LDB2: variants seen among roughly 807,000 people sequenced by gnomAD.
LDB2 encodes LIM domain-binding protein 2.
A neutral mutation model predicts 44.3 loss-of-function variants in LDB2; 12 were observed. The ratio of observed to expected loss-of-function variants is 0.27; its 90% CI spans 0.17 to 0.44. The LOEUF is 0.44. Among genes scored for constraint, LDB2 ranks in the 20% least tolerant of loss-of-function variants. The pLI, the probability that LDB2 is intolerant of heterozygous loss-of-function variation, is 1.00. For missense variants in LDB2, 344 were observed against 473.5 expected, an observed-to-expected ratio of 0.73 and a Z score of 2.54; for synonymous variants, 164 against 174.8, an observed-to-expected ratio of 0.94 and a Z score of 0.49.
intron 1 of LDB2, among the ~76,000 whole-genome samples, chr4:16,881,720 T>C (rs145967487): frequency 2.0e-5 from 3 of 151,252 alleles, no homozygotes; most frequent in African/African-American, 7.3e-5. Context: ...CAATTTCTCA[T>C]GGCCAGAAAA....
chr4:16,635,913 G>A (rs1733468898), intron 2 of LDB2, among the ~76,000 whole-genome samples: 1 of 152,148 alleles, frequency 6.6e-6, no homozygotes, highest in African/African-American at 2.4e-5. Context: ...CGCTGGATTT[G>A]TTGTTTCTGT....
chr4:16,852,037 G>A lies in LDB2; in HGVS notation c.132+46317C>T, dbSNP rs144098310. On this transcript the variant is annotated intron_variant, in intron 1 of 7. Transcript: ENST00000304523. ...AGCTTGATTTCTGAAATCACAGGCA[G>A]TTGGGAGAAATCCTGATCCTCTCAT... Among the ~76,000 whole-genome samples the A allele has an allele frequency of 1.4e-4, 21 of 152,334 alleles. No homozygotes were observed. The East Asian group carries it at 2.7e-3, about 20-fold the overall frequency.
At chr4:16,789,040 T>C (rs1001365997) in intron 1 of LDB2, among the ~76,000 whole-genome samples, 7 of 152,262 alleles carry the variant, frequency 4.6e-5, no homozygotes, top group African/African-American at 1.4e-4. Flanking sequence ...CTCCTAATTA[T>C]GTTTGGCTTT....
intron 2 of LDB2, among the ~76,000 whole-genome samples, chr4:16,717,749 C>T (rs1284468878): frequency 2.6e-5 from 4 of 152,182 alleles, no homozygotes; most frequent in Non-Finnish European, 4.4e-5. Flanking sequence ...GGTATTTCGC[C>T]CAAATTTCTC....
chr4:16,619,777 G>A (rs570334008), intron 2 of LDB2, among the ~76,000 whole-genome samples: 5 of 147,048 alleles, frequency 3.4e-5, no homozygotes, highest in African/African-American at 7.5e-5. Context: ...GTCTTTGCAA[G>A]TTGCTAGTGG....
chr4:16,767,441 T>A (rs1769588397), intron 1 of LDB2, among the ~76,000 whole-genome samples: 1 of 152,158 alleles, frequency 6.6e-6, no homozygotes, highest in African/African-American at 2.4e-5. Flanking sequence ...GAGGACTGAG[T>A]ACCAAATGCC....
At chr4:16,866,139 T>C (rs1386639773) in intron 1 of LDB2, among the ~76,000 whole-genome samples, 3 of 152,268 alleles carry the variant, frequency 2.0e-5, no homozygotes, top group East Asian at 3.9e-4. Flanking sequence ...AGGAATGTGA[T>C]TGTGCAGATT....
intron 5 of LDB2, among the ~76,000 whole-genome samples, chr4:16,562,302 A>G (rs1742670631): frequency 6.6e-6 from 1 of 152,152 alleles, no homozygotes; most frequent in Non-Finnish European, 1.5e-5. Flanking sequence ...ATGGGAGAAA[A>G]TTTTCACAAC....
chr4:16,858,758 T>C (rs1466102828), intron 1 of LDB2, among the ~76,000 whole-genome samples: 1 of 152,226 alleles, frequency 6.6e-6, no homozygotes, highest in Non-Finnish European at 1.5e-5. Context: ...ATCACAATTA[T>C]TTCGGCAACA....
chr4:16,732,921 C>T (rs1164079416), intron 2 of LDB2, among the ~76,000 whole-genome samples: 5 of 152,126 alleles, frequency 3.3e-5, no homozygotes, highest in Non-Finnish European at 4.4e-5. Context: ...TTCTCTGCAT[C>T]GGCTGACTCT....
At chr4:16,769,319 G>A (rs1325582771) in intron 1 of LDB2, among the ~76,000 whole-genome samples, 1 of 146,406 alleles carries the variant, frequency 6.8e-6, no homozygotes, top group African/African-American at 2.5e-5. Flanking sequence ...TTTTTGAGAT[G>A]GAGTTTCCCT....
chr4:16,545,184 C>A (rs867661640), intron 5 of LDB2, among the ~76,000 whole-genome samples: 14 of 151,338 alleles, frequency 9.3e-5, no homozygotes, highest in African/African-American at 3.4e-4. Context: ...TCCCTCCCTC[C>A]CTCTTTTCTT....
intron 7 of LDB2, among the ~76,000 whole-genome samples, chr4:16,503,503 C>T (rs111938060): frequency 0.026 from 3,944 of 152,214 alleles, 70 homozygotes; most frequent in Middle Eastern, 0.082. Flanking sequence ...GTAAAGTTTT[C>T]GATAAAAACA....
At chr4:16,525,390 A>G (rs1377151619) in intron 5 of LDB2, among the ~76,000 whole-genome samples, 1 of 152,206 alleles carries the variant, frequency 6.6e-6, no homozygotes, top group Non-Finnish European at 1.5e-5. Context: ...AGATTTCTCA[A>G]TAATGCAGCA....
chr4:16,676,635 G>A (rs1746410613), intron 2 of LDB2, among the ~76,000 whole-genome samples: 1 of 152,222 alleles, frequency 6.6e-6, no homozygotes, highest in Non-Finnish European at 1.5e-5. Flanking sequence ...ACAGCTCTAT[G>A]AAATCATCTC....
intron 1 of LDB2, among the ~76,000 whole-genome samples, chr4:16,888,090 G>A (rs758192307): frequency 2.0e-5 from 3 of 152,178 alleles, no homozygotes; most frequent in Non-Finnish European, 4.4e-5. Flanking sequence ...ACACGCAGGT[G>A]GTGCTTCAGG....
At chr4:16,626,207 T>G (rs1730243785) in intron 2 of LDB2, among the ~76,000 whole-genome samples, 1 of 152,196 alleles carries the variant, frequency 6.6e-6, no homozygotes, top group Non-Finnish European at 1.5e-5. Flanking sequence ...CATCTAATGT[T>G]CTCTTTCCAT....
chr4:16,636,704 C>T (rs1733708138), intron 2 of LDB2, among the ~76,000 whole-genome samples: 1 of 152,140 alleles, frequency 6.6e-6, no homozygotes, highest in African/African-American at 2.4e-5. Flanking sequence ...ACAAGAGGGG[C>T]AGTCTGAATT....
At chr4:16,596,835 T>A (rs900921151) in intron 2 of LDB2, among the ~76,000 whole-genome samples, 2 of 152,186 alleles carry the variant, frequency 1.3e-5, no homozygotes, top group African/African-American at 4.8e-5. Context: ...AAGCCCTTTT[T>A]TCAGCAGCGA....
Sources: allele counts gnomAD v4.1 joint callset (sites outside exome capture counted in the v4.1 genomes callset), GRCh38; gene constraint gnomAD v4.1.1; transcripts MANE v1.5; gene names NCBI Gene and HGNC (gene_info 2026-07-23, HGNC 2026-07-21).